The following PIK3C2G variants were observed in gnomAD, a reference collection of about 807,000 sequenced individuals.
PIK3C2G encodes the protein phosphatidylinositol-4-phosphate 3-kinase catalytic subunit type 2 gamma, also known as phosphatidylinositol 3-kinase C2 domain-containing subunit gamma.
PIK3C2G carries 168 observed loss-of-function variants against 181.1 expected under a neutral mutation model. The ratio of observed to expected loss-of-function variants is 0.93; its 90% confidence interval spans 0.82 to 1.05. The LOEUF is 1.05. PIK3C2G is among the 50% of genes least tolerant of loss of function. The pLI is 0.00. For missense variants in PIK3C2G, 1,869 were observed against 1,732.8 expected (o/e 1.08, Z -1.40); for synonymous variants, 573 against 592.2 (o/e 0.97, Z 0.47).
chr12:18,693,775 A>G, the PIK3C2G span: 2 of 1,516,248 alleles, frequency 1.3e-6, no homozygotes, highest in Non-Finnish European at 1.8e-6. Flanking sequence ...CCACAAACCA[A>G]ATAGAAACTT....
intron 15 of PIK3C2G, among the ~76,000 whole-genome samples, chr12:18,394,947 C>T (rs1206063999): frequency 6.6e-6 from 1 of 151,762 alleles, no homozygotes; most frequent in East Asian, 1.9e-4. Context: ...AAGTAAAAGG[C>T]TTAGTAATCC....
intron 14 of PIK3C2G, among the ~76,000 whole-genome samples, chr12:18,386,110 T>A (rs933205762): frequency 2.6e-5 from 4 of 152,074 alleles, no homozygotes; most frequent in Non-Finnish European, 5.9e-5. Context: ...CTGGCTTTGG[T>A]GTTACTGCCC....
In PIK3C2G at chr12:18,505,291, G is replaced by C. The variant is rs1941747316; in HGVS notation, c.3154-1G>C. 3 of 1,586,186 alleles carry C rather than the reference G, an allele frequency of 1.9e-6. No individual in the cohort carries two copies. Among genetic ancestry groups the C allele is most frequent in the Non-Finnish European group, 1.7e-6 (2 of 1,164,320 alleles). ...TGCATGATTGTTTTTCAATGAATTA[G>C]GCCTTGAGGAACTTTTTCTACTCCT... On this transcript the variant is annotated splice_acceptor_variant, in intron 23 of 32. Transcript: ENST00000538779. LOFTEE classifies it high-confidence loss of function.
At position 18,635,013 on chromosome 12, in the gene PIK3C2G, C is replaced by T. The variant is rs570708487; in HGVS notation, c.4183-5416C>T. Among the ~76,000 whole-genome samples, 6 of 152,308 alleles carry T rather than the reference C, an allele frequency of 3.9e-5. No individual in the cohort carries two copies. In the East Asian group the frequency reaches 1.2e-3, roughly 29 times the overall value. On this transcript the variant is annotated intron_variant, in intron 31 of 32. Coordinates refer to ENST00000538779, the MANE Select transcript of PIK3C2G (RefSeq NM_001288772.2). ...ACCCATGGATCACTGTATAATTACA[C>T]ACCTGGCCATTTCTCCTTCCAAGCA...
At chr12:18,311,014 G>A (rs534583804) in intron 5 of PIK3C2G, among the ~76,000 whole-genome samples, 2 of 152,020 alleles carry the variant, frequency 1.3e-5, no homozygotes, top group African/African-American at 2.4e-5. Context: ...TCCAGAAAAA[G>A]GGAAAGGGAA....
chr12:18,616,919 T>G (rs935676562), intron 31 of PIK3C2G, among the ~76,000 whole-genome samples: 1 of 152,154 alleles, frequency 6.6e-6, no homozygotes, highest in Non-Finnish European at 1.5e-5. Context: ...TTTAAAAATT[T>G]TATTTTTATC....
At chr12:18,635,878 T>C (rs1415751562) in intron 31 of PIK3C2G, among the ~76,000 whole-genome samples, 1 of 152,144 alleles carries the variant, frequency 6.6e-6, no homozygotes, top group Non-Finnish European at 1.5e-5. Flanking sequence ...CACTAGTCAT[T>C]GTGCCTCTTT....
Position 18,399,726 on chromosome 12 carries a change from C to A in PIK3C2G, c.2194C>A (p.Leu732Ile). The change falls in exon 16 of 33, where the codon CTT (leucine) becomes ATT (isoleucine). Residue 732 changes from leucine to isoleucine, a missense_variant. Physicochemically the swap from Leu to Ile is conservative, Grantham distance 5. Coordinates refer to ENST00000538779, the MANE Select transcript of PIK3C2G (RefSeq NM_001288772.2). Reference sequence around the variant, plus strand: ...CTACTGCAATAATGAAAACTGCTCCCTTCCTTTAGTCCTGGGTAGTGCCCC... The same window carrying A: ...CTACTGCAATAATGAAAACTGCTCCATTCCTTTAGTCCTGGGTAGTGCCCC... ...RFYCNNENCS[L>I]PLVLGSAPGW... 6.2e-7 allele frequency: 1 copy of A among 1,603,028 alleles called. No homozygotes were observed. Among genetic ancestry groups the A allele is most frequent in the South Asian group, 1.1e-5 (1 of 89,922 alleles).
Position 18,505,332 on chromosome 12 carries a change from T to G in PIK3C2G, c.3194T>G (p.Val1065Gly). The G allele has an allele frequency of 1.2e-6, 2 of 1,612,646 alleles. No individual in the cohort carries two copies. Among genetic ancestry groups the G allele is most frequent in the Non-Finnish European group, 1.7e-6 (2 of 1,179,160 alleles). The change falls in exon 24 of 33, where the codon GTG (valine) becomes GGG (glycine). Residue 1065 changes from valine to glycine, a missense_variant. Coordinates refer to ENST00000538779, the MANE Select transcript of PIK3C2G (RefSeq NM_001288772.2). ...NFFYSCAGWC[V>G]VTFILGVCDR... is the part of the protein sequence containing the mutation. ...TTCTACTCCTGTGCTGGCTGGTGTGTGGTAACATTCATCCTGGGAGTATGT... is the reference window on the plus strand; with the variant it reads ...TTCTACTCCTGTGCTGGCTGGTGTGGGGTAACATTCATCCTGGGAGTATGT...
At chr12:18,550,057 A>T (rs1944644115) in intron 26 of PIK3C2G, among the ~76,000 whole-genome samples, 1 of 152,028 alleles carries the variant, frequency 6.6e-6, no homozygotes, top group Non-Finnish European at 1.5e-5. Flanking sequence ...GACATGATTT[A>T]ATGTGCAAGT....
intron 29 of PIK3C2G, among the ~76,000 whole-genome samples, chr12:18,582,321 T>C (rs1386270186): frequency 6.6e-6 from 1 of 151,708 alleles, no homozygotes; most frequent in Non-Finnish European, 1.5e-5. Context: ...CCCAGGGAAA[T>C]GGTAAGTGAG....
intron 18 of PIK3C2G, among the ~76,000 whole-genome samples, chr12:18,457,219 T>C (rs1388110761): frequency 6.6e-6 from 1 of 152,194 alleles, no homozygotes; most frequent in African/African-American, 2.4e-5. Flanking sequence ...ACTGAATACA[T>C]ATAAATATAA....
At chr12:18,623,362 T>G (rs1948949876) in intron 31 of PIK3C2G, among the ~76,000 whole-genome samples, 1 of 151,814 alleles carries the variant, frequency 6.6e-6, no homozygotes, top group Admixed American at 6.6e-5. Flanking sequence ...CATGTGGGGG[T>G]TCTTGGGCTC....
chr12:18,667,276 G>C, the PIK3C2G span, among the ~76,000 whole-genome samples: 2,040 of 152,198 alleles, frequency 0.013, 54 homozygotes, highest in African/African-American at 0.048. Flanking sequence ...CTACCACTTA[G>C]AGATATGTGT....
At chr12:18,366,710 G>C (rs1161240479) in intron 12 of PIK3C2G, among the ~76,000 whole-genome samples, 1 of 151,002 alleles carries the variant, frequency 6.6e-6, no homozygotes, top group East Asian at 1.9e-4. Flanking sequence ...GTTAAAACTT[G>C]AGATCTATAC....
intron 13 of PIK3C2G, among the ~76,000 whole-genome samples, chr12:18,377,644 T>C (rs1053003467): frequency 2.0e-5 from 3 of 152,178 alleles, no homozygotes; most frequent in Non-Finnish European, 2.9e-5. Flanking sequence ...AAAGGCAGGC[T>C]CCAGATGTCC....
chr12:18,702,254 A>T, the PIK3C2G span, among the ~76,000 whole-genome samples: 1 of 151,978 alleles, frequency 6.6e-6, no homozygotes, highest in African/African-American at 2.4e-5. Flanking sequence ...ATTCGTAATA[A>T]AGGCTCTTCA....
chr12:18,512,120 AT>A (rs1186488376), intron 24 of PIK3C2G, among the ~76,000 whole-genome samples: 1 of 152,024 alleles, frequency 6.6e-6, no homozygotes, highest in Admixed American at 6.6e-5. Context: ...CAAGTTGACC[AT>A]AAATGCATGG....
intron 13 of PIK3C2G, among the ~76,000 whole-genome samples, chr12:18,381,015 C>T (rs929046226): frequency 6.6e-6 from 1 of 152,192 alleles, no homozygotes; most frequent in East Asian, 1.9e-4. Flanking sequence ...ATCACTGGAA[C>T]ATTTTACTGA....
Sources: gnomAD v4.1 joint callset for allele counts (sites outside exome capture counted in the v4.1 genomes callset) on GRCh38, gnomAD v4.1.1 for gene constraint, MANE v1.5 for transcripts, NCBI Gene and HGNC (gene_info 2026-07-23, HGNC 2026-07-21) for gene names.